Variants in PRPF8 observed in about 807,000 individuals in gnomAD.
PRPF8 encodes pre-mRNA-processing-splicing factor 8.
Under a neutral mutation model 285.9 loss-of-function variants are expected in PRPF8, and 64 were observed. The observed-to-expected ratio is 0.22, with a 90% CI of 0.18 to 0.28. The LOEUF (loss-of-function observed/expected upper bound fraction) is 0.28. Among genes scored for constraint, PRPF8 ranks in the 10% least tolerant of loss-of-function variants. PRPF8 has a pLI of 1.00. For synonymous variants in PRPF8, 1,325 were observed against 1,118.2 expected (o/e 1.18, Z -3.69); for missense variants, 1,426 against 3,026.7 (o/e 0.47, Z 12.41).
chr17:1,651,576 A>G lies in PRPF8; in HGVS notation c.6511-23T>C. 2 of 1,614,082 alleles carry G rather than the reference A, an allele frequency of 1.2e-6. No homozygotes were observed. Among genetic ancestry groups the G allele is most frequent in the Non-Finnish European group, 1.7e-6 (2 of 1,180,026 alleles). ...CTCCTATAGGTAAAGAGGAGTACAGAGCTGAATCCCATCCACAGACAGGAA... is the reference window on the plus strand; with the variant it reads ...CTCCTATAGGTAAAGAGGAGTACAGGGCTGAATCCCATCCACAGACAGGAA... On this transcript the variant is annotated intron_variant, in intron 40 of 42. Transcript: ENST00000304992. This position sits in a 1 kb window ranked among gnomAD's most constrained non-coding sequence, Gnocchi z 5.1.
intron 24 of PRPF8, among the ~76,000 whole-genome samples, chr17:1,672,191 G>A (rs912383186): frequency 1.3e-5 from 2 of 152,162 alleles, no homozygotes; most frequent in African/African-American, 4.8e-5. Flanking sequence ...TGCAAATGCC[G>A]CACATTTAGA....
In PRPF8 at chr17:1,650,717, A is replaced by G. The variant is rs761981929; in HGVS notation, c.*85T>C. ...AACACAAGCACAGACAGAGGGAAAGAGGCCAAACTGCTGAATGTCAGCGGC... is the reference window on the plus strand; with the variant it reads ...AACACAAGCACAGACAGAGGGAAAGGGGCCAAACTGCTGAATGTCAGCGGC... On this transcript the variant is annotated 3_prime_UTR_variant, in exon 43 of 43. Coordinates refer to ENST00000304992, the MANE Select transcript of PRPF8 (RefSeq NM_006445.4). 6.6e-6 allele frequency: 10 copies of G among 1,517,038 alleles called. No homozygotes were observed. Among genetic ancestry groups the G allele is most frequent in the Admixed American group, 1.7e-5 (1 of 59,874 alleles). 94.0% of individuals were successfully genotyped at this position (1,517,038 alleles called of 1,614,324 possible). A position where few individuals can be genotyped will look rare whatever the true frequency, so the allele number is the denominator to read the frequency against.
At chr17:1,669,789 G>A (rs1461898743) in intron 24 of PRPF8, among the ~76,000 whole-genome samples, 1 of 152,148 alleles carries the variant, frequency 6.6e-6, no homozygotes, top group Non-Finnish European at 1.5e-5. Context: ...TTGGTTCCAA[G>A]ACCCGGCACC....
chr17:1,678,380 G>A (rs1277743231), intron 13 of PRPF8, 138 bp downstream of exon 13: 3 of 1,130,112 alleles, frequency 2.7e-6, no homozygotes, highest in East Asian at 4.8e-5. Flanking sequence ...CTACTCGGGA[G>A]GCTGAGGCAG....
rs1911176941 is a variant in PRPF8 at position 1,653,171 on chromosome 17, C to T, written c.6369+371G>A. 3 of 388,590 alleles carry T rather than the reference C, an allele frequency of 7.7e-6. No homozygotes were observed. The Admixed American group carries it at 1.1e-4, about 14-fold the overall frequency. The allele number at this position is 388,590 out of a possible 1,614,324, so 24.1% of individuals were successfully genotyped here. A position where few individuals can be genotyped will look rare whatever the true frequency, so the allele number is the denominator to read the frequency against. Reference sequence around the variant, plus strand: ...GTCAGGCTGGTCTCAAACCCCTGACCTCAGGTGATCCACCCACCTAGGCCT... The same window carrying T: ...GTCAGGCTGGTCTCAAACCCCTGACTTCAGGTGATCCACCCACCTAGGCCT... On this transcript the variant is annotated intron_variant, in intron 39 of 42. Transcript: ENST00000304992. The surrounding 1 kb of genome is among the most constrained non-coding windows in gnomAD (Gnocchi z 4.9).
intron 8 of PRPF8, 90 bp downstream of exon 8, chr17:1,680,636 T>A: frequency 1.7e-6 from 2 of 1,195,490 alleles, no homozygotes; most frequent in Non-Finnish European, 2.5e-6. Flanking sequence ...GGAAAACACA[T>A]CTCCCTCCAC....
At chr17:1,682,609 TATTC>T (rs1912993774) in intron 3 of PRPF8, among the ~76,000 whole-genome samples, 2 of 151,624 alleles carry the variant, frequency 1.3e-5, no homozygotes, top group South Asian at 4.2e-4. Flanking sequence ...CATAATAAAG[TATTC>T]ACCATACTTC....
At position 1,681,893 on chromosome 17, in the gene PRPF8, C is replaced by G; in HGVS notation, c.580G>C (p.Glu194Gln). 2 of 1,614,048 alleles carry G rather than the reference C, an allele frequency of 1.2e-6. No individual in the cohort carries two copies. The highest frequency in any genetic ancestry group is 1.7e-6 in the Non-Finnish European group (2 of 1,180,008). The change falls in exon 5 of 43, where the codon GAG becomes CAG. Residue 194 changes from glutamate (E) to glutamine (Q), a missense_variant. Physicochemically the swap from Glu to Gln is conservative, Grantham distance 29. This residue lies in a region of PRPF8 where 96 missense variants were observed against 188.3 expected (regional missense o/e 0.51). Coordinates refer to ENST00000304992, the MANE Select transcript of PRPF8 (RefSeq NM_006445.4). ...DVEPLEAIQL[E>Q]LDPEEDAPVL... Reference sequence around the variant, plus strand: ...GGGGCGTCCTCCTCAGGGTCCAGCTCTAGCTGAATGGCCTCCAGTGGCTCA... The same window carrying G: ...GGGGCGTCCTCCTCAGGGTCCAGCTGTAGCTGAATGGCCTCCAGTGGCTCA...
chr17:1,655,283 T>G (rs1911304407), intron 37 of PRPF8, 67 bp downstream of exon 37: 4 of 1,577,588 alleles, frequency 2.5e-6, no homozygotes, highest in Non-Finnish European at 3.5e-6. Context: ...TAAGCCTAAG[T>G]GCTTCCAAAA....
rs752776131 is a variant in PRPF8 at position 1,679,258 on chromosome 17, A to G, written c.1409+33T>C. 19 of 1,614,124 alleles carry G rather than the reference A, an allele frequency of 1.2e-5. No homozygotes were observed. Among genetic ancestry groups the G allele is most frequent in the Non-Finnish European group, 1.5e-5 (18 of 1,180,054 alleles). Reference sequence around the variant, plus strand: ...GTCAGCCTACTGATATCTCTGGAACAGAAGTCTGCGCAGGGCCCCTGGGGC... The same window carrying G: ...GTCAGCCTACTGATATCTCTGGAACGGAAGTCTGCGCAGGGCCCCTGGGGC... On this transcript the variant is annotated intron_variant, in intron 10 of 42. Transcript: ENST00000304992. This position sits in a 1 kb window ranked among gnomAD's most constrained non-coding sequence, Gnocchi z 4.7.
In PRPF8 at chr17:1,674,491, G is replaced by A. The variant is rs1413407962; in HGVS notation, c.3250C>T (p.Pro1084Ser). 6.2e-7 allele frequency: 1 copy of A among 1,614,132 alleles called. No homozygotes were observed. Among genetic ancestry groups the A allele is most frequent in the East Asian group, 2.2e-5 (1 of 44,876 alleles). Residue 1084 changes from proline (P) to serine (S), a missense_variant, in exon 21 of 43, where the codon CCC becomes TCC. This residue lies in a region of PRPF8 where 148 missense variants were observed against 196.2 expected (regional missense o/e 0.75). Transcript: ENST00000304992. ...FQDIATEAAH[P>S]IRLFCRYIDR... is the part of the protein sequence containing the mutation. ...ATGTATCTGCAGAAGAGACGGATGGGGTGGGCAGCCTCAGTGGCTATGTCC... is the reference window on the plus strand; with the variant it reads ...ATGTATCTGCAGAAGAGACGGATGGAGTGGGCAGCCTCAGTGGCTATGTCC...
At position 1,679,843 on chromosome 17, in the gene PRPF8, G is replaced by T; in HGVS notation, c.1099-44C>A. On this transcript the variant is annotated intron_variant, in intron 8 of 42. Transcript: ENST00000304992. This position sits in a 1 kb window ranked among gnomAD's most constrained non-coding sequence, Gnocchi z 4.7. ...TAAGGGTTTAGCTCCTGCTGAACTA[G>T]GCACAGACTTAAGATGAGGGAAATT... 1 of 1,601,182 alleles carries T rather than the reference G, an allele frequency of 6.2e-7. No individual in the cohort carries two copies. The highest frequency in any genetic ancestry group is 8.6e-7 in the Non-Finnish European group (1 of 1,168,138).
In PRPF8 at chr17:1,668,516, C is replaced by T. The variant is rs377416435; in HGVS notation, c.3774+4565G>A. On this transcript the variant is annotated intron_variant, in intron 24 of 42. Coordinates refer to ENST00000304992, the MANE Select transcript of PRPF8 (RefSeq NM_006445.4). ...TAGCTGGGACCACAGGCGCCCGCCA[C>T]GACATCCAGCTAATTTTTTGTATTT... Among the ~76,000 whole-genome samples, 749 of 151,950 alleles carry T rather than the reference C, an allele frequency of 4.9e-3. 6 individuals carry two copies. Among genetic ancestry groups the T allele is most frequent in the African/African-American group, 0.017 (708 of 41,422 alleles).
chr17:1,673,155 C>T lies in PRPF8; in HGVS notation c.3700G>A (p.Asp1234Asn), dbSNP rs1246218841. The T allele has an allele frequency of 1.2e-6, 2 of 1,614,194 alleles. No homozygotes were observed. Among genetic ancestry groups the T allele is most frequent in the South Asian group, 1.1e-5 (1 of 91,090 alleles). ...RTAQCFLRVDDESMQRFHNRV... is the reference protein window; with the variant it reads ...RTAQCFLRVDNESMQRFHNRV... ...TTGTGGAAGCGCTGCATTGACTCAT[C>T]GTCCACACGCAGGAAACACTGAGCT... Residue 1234 changes from aspartate to asparagine, a missense_variant, in exon 24 of 43, where the codon GAT becomes AAT. Around this residue, in one of 34 missense-constraint regions of PRPF8, gnomAD observed 18 missense variants for 20.6 expected, o/e 0.87. Transcript: ENST00000304992. The surrounding 1 kb of genome is among the most constrained non-coding windows in gnomAD (Gnocchi z 5.5).
chr17:1,676,970 A>C lies in PRPF8; in HGVS notation c.2181+6T>G. On this transcript the variant is annotated splice_donor_region_variant and intron_variant, in intron 15 of 42. Coordinates refer to ENST00000304992, the MANE Select transcript of PRPF8 (RefSeq NM_006445.4). The surrounding 1 kb of genome is among the most constrained non-coding windows in gnomAD (Gnocchi z 6.3). ...TACGCCTCCAAGGAAATAAAGAGAC[A>C]CCCACCTTCCAGGGAATGTTGGCTT... The C allele has an allele frequency of 1.9e-6, 3 of 1,613,470 alleles. No homozygotes were observed. The South Asian group carries it at 3.3e-5, about 18-fold the overall frequency.
In PRPF8 at chr17:1,651,820, T is replaced by C; in HGVS notation, c.6370-32A>G. On this transcript the variant is annotated intron_variant, in intron 39 of 42. Coordinates refer to ENST00000304992, the MANE Select transcript of PRPF8 (RefSeq NM_006445.4). This position sits in a 1 kb window ranked among gnomAD's most constrained non-coding sequence, Gnocchi z 5.1. ...ACAAAGGGGTCAGGAACCAAAACTC[T>C]TCTTAGTACCAGGTCAGAGTTGGAG... The C allele has an allele frequency of 6.2e-7, 1 of 1,611,978 alleles. No homozygotes were observed. The highest frequency in any genetic ancestry group is 2.2e-5 in the East Asian group (1 of 44,880).
Position 1,683,682 on chromosome 17 carries a change from C to T in PRPF8, c.120G>A (p.Leu40=). The T allele has an allele frequency of 6.2e-7, 1 of 1,614,014 alleles. No homozygotes were observed. ...LQEKARKWQQ[L]QAKRYAEKRK... ...GCTTTTCTGCATAGCGCTTGGCCTG[C>T]AATTGCTGCCATTTTCGAGCTGGAA... The change falls in exon 3 of 43, where the codon TTG becomes TTA. Residue 40 remains leucine, a synonymous_variant. Coordinates refer to ENST00000304992, the MANE Select transcript of PRPF8 (RefSeq NM_006445.4).
intron 21 of PRPF8, among the ~76,000 whole-genome samples, chr17:1,674,150 G>A (rs1160037520): frequency 6.6e-6 from 1 of 152,220 alleles, no homozygotes; most frequent in Non-Finnish European, 1.5e-5. Context: ...AGCCTCCGGA[G>A]TAGCTGGGAC....
intron 24 of PRPF8, among the ~76,000 whole-genome samples, chr17:1,664,163 T>C (rs1237943372): frequency 2.0e-5 from 3 of 152,128 alleles, no homozygotes; most frequent in Admixed American, 1.3e-4. Flanking sequence ...CCCAAGCACC[T>C]GGGACTACAG....
Sources: allele counts gnomAD v4.1 joint callset (sites outside exome capture counted in the v4.1 genomes callset), GRCh38; gene constraint gnomAD v4.1.1; regional missense constraint gnomAD v4.1.1; non-coding constraint Gnocchi (gnomAD v3.1); transcripts MANE v1.5; gene names NCBI Gene and HGNC (gene_info 2026-07-23, HGNC 2026-07-21).